Variants in MRE11 observed in about 807,000 individuals in gnomAD.
The protein encoded by MRE11 is double-strand break repair protein MRE11.
In MRE11, 62 loss-of-function variants were observed where a neutral mutation model predicts 91.7. That is an observed-to-expected ratio of 0.68 (90% CI 0.55 to 0.84). The LOEUF is 0.84. Ranked by LOEUF, MRE11 falls within the 40% of genes least tolerant of loss-of-function variation. MRE11 has a pLI of 0.00. For synonymous variants in MRE11, 273 were observed against 271.4 expected (o/e 1.01, Z -0.06); for missense variants, 796 against 852.9 (o/e 0.93, Z 0.83).
intron 3 of MRE11, among the ~76,000 whole-genome samples, chr11:94,489,315 C>T (rs1157788211): frequency 2.0e-5 from 3 of 150,962 alleles, no homozygotes; most frequent in African/African-American, 7.3e-5. Flanking sequence ...TAGAACATGC[C>T]GGTGTGGATG....
At chr11:94,512,357 A>G in the MRE11 span, 5 of 517,920 alleles carry the variant, frequency 9.7e-6, no homozygotes, top group South Asian at 1.0e-4. Context: ...CCCCAGCCCC[A>G]TAACTTCAGC....
intron 18 of MRE11, among the ~76,000 whole-genome samples, chr11:94,432,817 C>CA (rs1326119576): frequency 1.3e-5 from 2 of 152,070 alleles, no homozygotes; most frequent in African/African-American, 4.8e-5. Context: ...AAAAACAAAA[C>CA]AAAACAAAAC....
At chr11:94,423,055 G>C (rs1340977773) in intron 19 of MRE11, among the ~76,000 whole-genome samples, 4 of 152,150 alleles carry the variant, frequency 2.6e-5, no homozygotes. Flanking sequence ...AGAAGGACAA[G>C]ATGGCCAACT....
chr11:94,447,052 CAT>C (rs1288394590), intron 15 of MRE11, among the ~76,000 whole-genome samples, 165 bp downstream of exon 15: 1 of 152,158 alleles, frequency 6.6e-6, no homozygotes, highest in Non-Finnish European at 1.5e-5. Context: ...GTAAAAGGCA[CAT>C]GTCAGAACTG....
the MRE11 span, among the ~76,000 whole-genome samples, chr11:94,508,453 C>A: frequency 6.6e-6 from 1 of 152,106 alleles, no homozygotes; most frequent in Non-Finnish European, 1.5e-5. Flanking sequence ...ATTTGACATG[C>A]GGTAGGAGTC....
intron 11 of MRE11, among the ~76,000 whole-genome samples, chr11:94,461,924 A>C (rs909706715): frequency 1.3e-5 from 2 of 152,098 alleles, no homozygotes; most frequent in Admixed American, 6.5e-5. Flanking sequence ...AAATACAAAA[A>C]TTAGCAGGGG....
chr11:94,486,844 C>A (rs1342226996), intron 3 of MRE11, among the ~76,000 whole-genome samples: 1 of 152,132 alleles, frequency 6.6e-6, no homozygotes, highest in Non-Finnish European at 1.5e-5. Context: ...GGAATAACTT[C>A]AGTGAAGGAG....
intron 14 of MRE11, among the ~76,000 whole-genome samples, chr11:94,449,335 G>C (rs1453750292): frequency 6.6e-6 from 1 of 152,124 alleles, no homozygotes; most frequent in Non-Finnish European, 1.5e-5. Flanking sequence ...AGAAACAACA[G>C]TGATTTCAAT....
At chr11:94,449,124 T>C (rs567391823) in intron 14 of MRE11, among the ~76,000 whole-genome samples, 1 of 152,280 alleles carries the variant, frequency 6.6e-6, no homozygotes, top group South Asian at 2.1e-4. Context: ...CTAAGCTCTG[T>C]GATACCATAA....
intron 17 of MRE11, 134 bp downstream of exon 17, chr11:94,437,043 T>C (rs960791062): frequency 2.1e-5 from 15 of 723,978 alleles, no homozygotes; most frequent in African/African-American, 1.4e-4. Flanking sequence ...CTAGAGATAA[T>C]TGGTAAAGCT....
the MRE11 span, among the ~76,000 whole-genome samples, chr11:94,506,278 G>A: frequency 6.6e-6 from 1 of 150,776 alleles, no homozygotes. Context: ...CCTGCAACAT[G>A]TAATTTTCCT....
At chr11:94,421,768 T>A (rs1945177468) in intron 19 of MRE11, among the ~76,000 whole-genome samples, 1 of 152,184 alleles carries the variant, frequency 6.6e-6, no homozygotes, top group Non-Finnish European at 1.5e-5. Context: ...TAGATAAACC[T>A]TCAGGTACTT....
At chr11:94,462,538 G>A (rs1946448918) in intron 11 of MRE11, among the ~76,000 whole-genome samples, 1 of 152,136 alleles carries the variant, frequency 6.6e-6, no homozygotes, top group Non-Finnish European at 1.5e-5. Flanking sequence ...GCACAACAAG[G>A]CTACAGTAAC....
At chr11:94,457,697 C>G (rs1001333297) in intron 13 of MRE11, among the ~76,000 whole-genome samples, 1 of 152,080 alleles carries the variant, frequency 6.6e-6, no homozygotes, top group Admixed American at 6.5e-5. Flanking sequence ...CTTACAACAA[C>G]CTTGAAGGAG....
the MRE11 span, among the ~76,000 whole-genome samples, chr11:94,500,517 G>C: frequency 6.6e-6 from 1 of 152,178 alleles, no homozygotes; most frequent in African/African-American, 2.4e-5. Flanking sequence ...AAATAGCTCA[G>C]TTTACAAACA....
At chr11:94,445,154 A>T (rs897513721) in intron 16 of MRE11, among the ~76,000 whole-genome samples, 1 of 152,232 alleles carries the variant, frequency 6.6e-6, no homozygotes, top group Non-Finnish European at 1.5e-5. Flanking sequence ...ACAGGGCAGT[A>T]TGGGGGAAGC....
At chr11:94,475,614 TATACCCTGCCA>T (rs765051097) in intron 7 of MRE11, 1 of 455,742 alleles carries the variant, frequency 2.2e-6, no homozygotes, top group Non-Finnish European at 4.4e-6. Flanking sequence ...CAATCAATCC[TATACCCTGCCA>T]ACAGATTAAA....
At chr11:94,450,661 G>C (rs1244339181) in intron 14 of MRE11, among the ~76,000 whole-genome samples, 1 of 152,066 alleles carries the variant, frequency 6.6e-6, no homozygotes, top group African/African-American at 2.4e-5. Context: ...AGAACATCTA[G>C]AAAATCATAA....
chr11:94,464,261 T>C lies in MRE11; in HGVS notation c.1099-22A>G, dbSNP rs761756547. On this transcript the variant is annotated intron_variant, in intron 10 of 19. Coordinates refer to ENST00000323929, the MANE Select transcript of MRE11 (RefSeq NM_005591.4). ...CCACCTGAAAACACAGAATAATCTA[T>C]GAACGCTAGGAAACAACAATTTGCC... The C allele has an allele frequency of 1.9e-6, 3 of 1,613,566 alleles. No homozygotes were observed. The African/African-American group carries it at 4.0e-5, about 22-fold the overall frequency.
Sources: allele counts gnomAD v4.1 joint callset (sites outside exome capture counted in the v4.1 genomes callset), GRCh38; gene constraint gnomAD v4.1.1; transcripts MANE v1.5; gene names NCBI Gene and HGNC (gene_info 2026-07-23, HGNC 2026-07-21).